Variants in KIAA0825 observed in about 807,000 individuals in gnomAD.
KIAA0825 encodes uncharacterized protein KIAA0825.
Under a neutral mutation model 147.6 loss-of-function variants are expected in KIAA0825, and 119 were observed. The ratio of observed to expected loss-of-function variants is 0.81; its 90% CI spans 0.69 to 0.94. The LOEUF (loss-of-function observed/expected upper bound fraction) is 0.94, where lower values mean the gene tolerates loss of function less well. Ranked by LOEUF, KIAA0825 falls within the 40% of genes least tolerant of loss-of-function variation. The probability of loss-of-function intolerance (pLI) is 0.00; values close to 1 mark genes in which losing one functional copy is unlikely to be tolerated. For missense variants in KIAA0825, 1,381 were observed against 1,472.7 expected, an observed-to-expected ratio of 0.94 and a Z score of 1.02; for synonymous variants, 470 against 518.1, an observed-to-expected ratio of 0.91 and a Z score of 1.26.
At chr5:94,488,086 G>T (rs1763273563) in intron 5 of KIAA0825, among the ~76,000 whole-genome samples, 3 of 152,194 alleles carry the variant, frequency 2.0e-5, no homozygotes, top group Non-Finnish European at 4.4e-5. Flanking sequence ...ACCAAACCCG[G>T]CTAATTTTTG....
At chr5:94,447,258 G>C (rs560306781) in intron 13 of KIAA0825, among the ~76,000 whole-genome samples, 11 of 151,834 alleles carry the variant, frequency 7.2e-5, no homozygotes, top group African/African-American at 2.2e-4. Flanking sequence ...GATTTGGGGG[G>C]GCACACAAAG....
rs1584897865 is a variant in KIAA0825, at chr5:94,563,008, T to C, written c.-2+19425A>G. Among the ~76,000 whole-genome samples the C allele has an allele frequency of 2.0e-5, 3 of 152,204 alleles. No homozygotes were observed. In the East Asian group the frequency reaches 5.8e-4, roughly 29 times the overall value. On this transcript the variant is annotated intron_variant, in intron 2 of 20. Transcript: ENST00000682413. Reference sequence around the variant, plus strand: ...GTTAAAATTTTACCCGTAGACACTATTGAGAAACAGGTTCTAAGATGAAAT... The same window carrying C: ...GTTAAAATTTTACCCGTAGACACTACTGAGAAACAGGTTCTAAGATGAAAT...
chr5:94,397,386 G>T (rs971527988), intron 16 of KIAA0825, among the ~76,000 whole-genome samples: 1 of 152,070 alleles, frequency 6.6e-6, no homozygotes, highest in Non-Finnish European at 1.5e-5. Context: ...GTTCTTCCTT[G>T]TTTGGTGCTA....
intron 11 of KIAA0825, among the ~76,000 whole-genome samples, chr5:94,464,636 T>A (rs562780821): frequency 6.8e-4 from 103 of 152,348 alleles, no homozygotes; most frequent in African/African-American, 2.4e-3. Context: ...GAATCATTTT[T>A]TAGCAACAAG....
intron 20 of KIAA0825, among the ~76,000 whole-genome samples, chr5:94,307,144 A>G (rs1330537625): frequency 6.6e-6 from 1 of 151,766 alleles, no homozygotes; most frequent in African/African-American, 2.4e-5. Context: ...TTTACCACTG[A>G]TAGTCTTTAG....
chr5:94,276,191 T>C (rs1054707379), intron 20 of KIAA0825, among the ~76,000 whole-genome samples: 2 of 152,082 alleles, frequency 1.3e-5, no homozygotes, highest in Admixed American at 6.6e-5. Flanking sequence ...GAACATAAAC[T>C]AGGAAAGAAA....
At chr5:94,442,573 G>A (rs1219294307) in intron 13 of KIAA0825, among the ~76,000 whole-genome samples, 7 of 152,088 alleles carry the variant, frequency 4.6e-5, no homozygotes. Context: ...GAGCCCTTTG[G>A]ACTAAAAATC....
rs2152454973 is a variant in KIAA0825 at position 94,617,419 on chromosome 5, A to G, written c.-153+1081T>C. 2.0e-5 allele frequency among the ~76,000 whole-genome samples: 3 copies of G among 152,326 alleles called. No homozygotes were observed. In the South Asian group the frequency reaches 6.2e-4, roughly 32 times the overall value. On this transcript the variant is annotated intron_variant, in intron 1 of 20. Coordinates refer to ENST00000682413, the MANE Select transcript of KIAA0825 (RefSeq NM_001145678.3). ...TTTGTTGCATTACTCTCAAAAGGTT[A>G]AGAAGACACTGGCCTGGTGTTAACA...
At chr5:94,408,349 A>G (rs1281165264) in intron 15 of KIAA0825, among the ~76,000 whole-genome samples, 1 of 151,830 alleles carries the variant, frequency 6.6e-6, no homozygotes, top group Admixed American at 6.6e-5. Context: ...ATTTTATTTT[A>G]TTTATTTACT....
At chr5:94,339,588 A>G (rs867694470) in intron 20 of KIAA0825, among the ~76,000 whole-genome samples, 5 of 152,108 alleles carry the variant, frequency 3.3e-5, no homozygotes, top group Non-Finnish European at 7.4e-5. Context: ...GTATTTCTCC[A>G]CCACCACCAA....
intron 20 of KIAA0825, among the ~76,000 whole-genome samples, chr5:94,327,158 T>C (rs1780781787): frequency 6.6e-6 from 1 of 152,180 alleles, no homozygotes; most frequent in Non-Finnish European, 1.5e-5. Flanking sequence ...CTCTGATTTT[T>C]TATGTTATAA....
chr5:94,571,258 A>C (rs990438137), intron 2 of KIAA0825, among the ~76,000 whole-genome samples: 4 of 152,256 alleles, frequency 2.6e-5, no homozygotes, highest in African/African-American at 9.6e-5. Context: ...TAATATTCAC[A>C]ATACTGTCAA....
chr5:94,522,269 A>G (rs2151223888), intron 4 of KIAA0825, among the ~76,000 whole-genome samples: 1 of 151,742 alleles, frequency 6.6e-6, no homozygotes, highest in South Asian at 2.1e-4. Flanking sequence ...GAGAGCCACA[A>G]AGTACACATG....
chr5:94,156,278 C>T (rs969951513), intron 20 of KIAA0825, among the ~76,000 whole-genome samples: 1 of 152,048 alleles, frequency 6.6e-6, no homozygotes, highest in Admixed American at 6.6e-5. Flanking sequence ...CCATTTACAG[C>T]TAATATAAAG....
intron 15 of KIAA0825, 141 bp downstream of exon 15, chr5:94,417,060 T>C (rs1990767): frequency 0.071 from 53,377 of 746,596 alleles, 2,892 homozygotes; most frequent in African/African-American, 0.23. Flanking sequence ...AACAGAAGGC[T>C]TTATACTGAA....
intron 15 of KIAA0825, among the ~76,000 whole-genome samples, chr5:94,407,831 T>A (rs969968552): frequency 6.6e-6 from 1 of 152,200 alleles, no homozygotes; most frequent in Non-Finnish European, 1.5e-5. Context: ...ATGAAATTTA[T>A]GGTATATAAA....
At chr5:94,255,061 T>C (rs1243759549) in intron 20 of KIAA0825, among the ~76,000 whole-genome samples, 1 of 151,598 alleles carries the variant, frequency 6.6e-6, no homozygotes, top group Non-Finnish European at 1.5e-5. Flanking sequence ...TTTTTTTGCA[T>C]AGTCTAACTT....
At chr5:94,529,252 ATG>A (rs1013476539) in intron 3 of KIAA0825, among the ~76,000 whole-genome samples, 6 of 127,914 alleles carry the variant, frequency 4.7e-5, no homozygotes, top group Non-Finnish European at 9.6e-5. Flanking sequence ...ATACATATAT[ATG>A]TATATATCAT....
At chr5:94,272,841 G>T (rs964499643) in intron 20 of KIAA0825, among the ~76,000 whole-genome samples, 3 of 152,188 alleles carry the variant, frequency 2.0e-5, no homozygotes, top group Non-Finnish European at 4.4e-5. Flanking sequence ...ATGCCAGGGG[G>T]ATGGAATACA....
Sources: allele counts gnomAD v4.1 joint callset (sites outside exome capture counted in the v4.1 genomes callset), GRCh38; gene constraint gnomAD v4.1.1; transcripts MANE v1.5; gene names NCBI Gene and HGNC (gene_info 2026-07-23, HGNC 2026-07-21).